The following KCNC1 variants were observed in gnomAD, a reference collection of about 807,000 sequenced individuals.
KCNC1 encodes potassium voltage-gated channel subfamily C member 1.
Under a neutral mutation model 43.4 loss-of-function variants are expected in KCNC1, and 8 were observed. That is an observed-to-expected ratio of 0.18 (90% CI 0.11 to 0.33). KCNC1 has a LOEUF of 0.33. KCNC1 is among the 10% of genes least tolerant of loss of function. The pLI is 1.00. For missense variants in KCNC1, 420 were observed against 836.0 expected, an observed-to-expected ratio of 0.50 and a Z score of 6.14; for synonymous variants, 361 against 360.5, an observed-to-expected ratio of 1.00 and a Z score of -0.01.
chr11:17,763,929 A>G (rs1849113648), intron 1 of KCNC1, among the ~76,000 whole-genome samples: 1 of 132,526 alleles, frequency 7.5e-6, no homozygotes, highest in African/African-American at 2.9e-5. Flanking sequence ...ATGCACATAT[A>G]CACGCCCACA....
Position 17,753,861 on chromosome 11 carries a change from T to C in KCNC1, c.570+17289T>C, listed in dbSNP as rs535899140. Among the ~76,000 whole-genome samples the C allele has an allele frequency of 5.3e-4, 81 of 152,204 alleles. 1 individual carries two copies. The highest frequency in any genetic ancestry group is 8.2e-4 in the Non-Finnish European group (56 of 68,036). On this transcript the variant is annotated intron_variant, in intron 1 of 3. Transcript: ENST00000265969. ...CCAGATTCCAGATTCGCCACTCCAG[T>C]GCCCGCATCCAGGTTTTGAATTCCA...
Position 17,777,853 on chromosome 11 carries a change from A to T in KCNC1, c.1505-1603A>T, listed in dbSNP as rs1204156139. ...TGACTGACTGCCTCTTTGTAGTGAC[A>T]TGATGTGTACACGGGCGGTAATCCC... On this transcript the variant is annotated intron_variant, in intron 2 of 3. Transcript: ENST00000265969. The surrounding 1 kb of genome is among the most constrained non-coding windows in gnomAD (Gnocchi z 4.3). 1.0e-6 allele frequency: 1 copy of T among 986,270 alleles called. No homozygotes were observed. The highest frequency in any genetic ancestry group is 1.2e-6 in the Non-Finnish European group (1 of 830,074). 61.1% of individuals were successfully genotyped at this position (986,270 alleles called of 1,614,324 possible).
rs1849354505 is a variant in KCNC1 at position 17,782,289 on chromosome 11, C to T, written c.*555C>T. On this transcript the variant is annotated 3_prime_UTR_variant, in exon 4 of 4. Coordinates refer to ENST00000265969, the MANE Select transcript of KCNC1 (RefSeq NM_001112741.2). ...CTTCCAAAAAGGGCAGTCGGTCAGTCATCGGTCATATTGACCTCACCTTCA... is the reference window on the plus strand; with the variant it reads ...CTTCCAAAAAGGGCAGTCGGTCAGTTATCGGTCATATTGACCTCACCTTCA... The T allele has an allele frequency of 6.6e-6, 1 of 152,286 alleles. No homozygotes were observed. The highest frequency in any genetic ancestry group is 1.5e-5 in the Non-Finnish European group (1 of 68,118). The allele number at this position is 152,286 out of a possible 1,614,324, so 9.4% of individuals were successfully genotyped here.
In KCNC1 at chr11:17,777,906, G is replaced by C; in HGVS notation, c.1505-1550G>C. On this transcript the variant is annotated intron_variant, in intron 2 of 3. Coordinates refer to ENST00000265969, the MANE Select transcript of KCNC1 (RefSeq NM_001112741.2). The surrounding 1 kb of genome is among the most constrained non-coding windows in gnomAD (Gnocchi z 4.3). ...CCACGTGCACGCCCAGCGTGTGCAC[G>C]TGGGGAAGGATCACTTCTGCGTGTA... The C allele has an allele frequency of 5.4e-6, 5 of 932,698 alleles. No individual in the cohort carries two copies. Among genetic ancestry groups the C allele is most frequent in the Non-Finnish European group, 6.4e-6 (5 of 781,284 alleles). 57.8% of individuals were successfully genotyped at this position (932,698 alleles called of 1,614,324 possible).
In KCNC1 at chr11:17,739,896, G is replaced by T. The variant is rs964732002; in HGVS notation, c.570+3324G>T. Among the ~76,000 whole-genome samples, 1 of 152,142 alleles carries T rather than the reference G, an allele frequency of 6.6e-6. No homozygotes were observed. Among genetic ancestry groups the T allele is most frequent in the African/African-American group, 2.4e-5 (1 of 41,428 alleles). On this transcript the variant is annotated intron_variant, in intron 1 of 3. Transcript: ENST00000265969. This position sits in a 1 kb window ranked among gnomAD's most constrained non-coding sequence, Gnocchi z 4.2. Reference sequence around the variant, plus strand: ...GTGAGAGAGAGGTCCTGTGCATCCCGAGTGTGTGTGTGCTTGAGGAAGATG... The same window carrying T: ...GTGAGAGAGAGGTCCTGTGCATCCCTAGTGTGTGTGTGCTTGAGGAAGATG...
At chr11:17,768,177 C>T (rs979560055) in intron 1 of KCNC1, among the ~76,000 whole-genome samples, 10 of 152,298 alleles carry the variant, frequency 6.6e-5, no homozygotes, top group African/African-American at 2.4e-4. Context: ...TTGCTGTCTC[C>T]TGTGGGCCAG....
In KCNC1 at chr11:17,772,204, G is replaced by C; in HGVS notation, c.1110G>C (p.Gly370=). 1 of 1,614,060 alleles carries C rather than the reference G, an allele frequency of 6.2e-7. No individual in the cohort carries two copies. The highest frequency in any genetic ancestry group is 8.5e-7 in the Non-Finnish European group (1 of 1,180,040). ...ATMIYYAERI[G]AQPNDPSASE... ...TGATCTACTACGCCGAGAGGATAGG[G>C]GCACAGCCCAATGACCCCAGCGCCA... is the stretch of plus-strand genomic sequence containing the variant. Residue 370 remains glycine, a synonymous_variant, in exon 2 of 4, where the codon GGG becomes GGC. Transcript: ENST00000265969.
Position 17,774,118 on chromosome 11 carries a change from G to T in KCNC1, c.1504+1520G>T, listed in dbSNP as rs373768029. On this transcript the variant is annotated intron_variant, in intron 2 of 3. Coordinates refer to ENST00000265969, the MANE Select transcript of KCNC1 (RefSeq NM_001112741.2). Reference sequence around the variant, plus strand: ...GGGGGTTTCCCGGTCCTTTCACCCTGCCGCATACCCTTCCCTTCCTGGGAT... The same window carrying T: ...GGGGGTTTCCCGGTCCTTTCACCCTTCCGCATACCCTTCCCTTCCTGGGAT... 1,235 of 985,546 alleles carry T rather than the reference G, an allele frequency of 1.3e-3. 7 individuals are homozygous for T. The Middle Eastern group carries it at 0.016, about 12-fold the overall frequency. The allele number at this position is 985,546 out of a possible 1,614,324, so 61.1% of individuals were successfully genotyped here. A position where few individuals can be genotyped will look rare whatever the true frequency, so the allele number is the denominator to read the frequency against.
intron 1 of KCNC1, among the ~76,000 whole-genome samples, chr11:17,745,373 A>G (rs1172798231): frequency 6.6e-6 from 1 of 152,126 alleles, no homozygotes; most frequent in Admixed American, 6.5e-5. Context: ...TCTCTCTCAG[A>G]CATCAACCAA....
rs574968276 is a variant in KCNC1 at position 17,776,279 on chromosome 11, C to T, written c.1505-3177C>T. The T allele has an allele frequency of 5.1e-6, 5 of 985,390 alleles. No homozygotes were observed. The highest frequency in any genetic ancestry group is 4.7e-5 in the South Asian group (1 of 21,274). The allele number at this position is 985,390 out of a possible 1,614,324, so 61.0% of individuals were successfully genotyped here. ...CCGGTTCTCGTGATTGTTCCCTGCTCGTGTCTCACAGACTGTCCCCATTTA... is the reference window on the plus strand; with the variant it reads ...CCGGTTCTCGTGATTGTTCCCTGCTTGTGTCTCACAGACTGTCCCCATTTA... On this transcript the variant is annotated intron_variant, in intron 2 of 3. Transcript: ENST00000265969. The surrounding 1 kb of genome is among the most constrained non-coding windows in gnomAD (Gnocchi z 4.4).
At chr11:17,737,764 C>G (rs1385543607) in intron 1 of KCNC1, among the ~76,000 whole-genome samples, 1 of 152,158 alleles carries the variant, frequency 6.6e-6, no homozygotes, top group African/African-American at 2.4e-5. Context: ...GCCCTCACCC[C>G]CTACCAGGCA....
rs1354528765 is a variant in KCNC1 at position 17,777,175 on chromosome 11, C to T, written c.1505-2281C>T. On this transcript the variant is annotated intron_variant, in intron 2 of 3. Transcript: ENST00000265969. This position sits in a 1 kb window ranked among gnomAD's most constrained non-coding sequence, Gnocchi z 4.3. ...GGGGCTTGTGGACAGAACCAGTGGGCGGGGGCCCAGCATTCAGAGCCAGAG... is the reference window on the plus strand; with the variant it reads ...GGGGCTTGTGGACAGAACCAGTGGGTGGGGGCCCAGCATTCAGAGCCAGAG... 11 of 985,370 alleles carry T rather than the reference C, an allele frequency of 1.1e-5. No individual in the cohort carries two copies. The highest frequency in any genetic ancestry group is 1.8e-5 in the African/African-American group (1 of 57,140). 61.0% of individuals were successfully genotyped at this position (985,370 alleles called of 1,614,324 possible).
In KCNC1 at chr11:17,781,311, G is replaced by C; in HGVS notation, c.1694-359G>C. On this transcript the variant is annotated intron_variant, in intron 3 of 3. Coordinates refer to ENST00000265969, the MANE Select transcript of KCNC1 (RefSeq NM_001112741.2). This position sits in a 1 kb window ranked among gnomAD's most constrained non-coding sequence, Gnocchi z 5.1. ...CCGAGGCTTAGGTGCCAGAGTCTTT[G>C]GGAGGCGCTAAGGGTGAAGTGTCCC... 4.4e-6 allele frequency: 1 copy of C among 227,332 alleles called. No individual in the cohort carries two copies. The highest frequency in any genetic ancestry group is 8.6e-6 in the Non-Finnish European group (1 of 116,214). 14.1% of individuals were successfully genotyped at this position (227,332 alleles called of 1,614,324 possible).
intron 1 of KCNC1, among the ~76,000 whole-genome samples, chr11:17,747,967 C>CCTGGCAGGCAGCAG (rs1246048818): frequency 2.6e-5 from 4 of 152,158 alleles, no homozygotes; most frequent in Non-Finnish European, 5.9e-5. Context: ...TGAGCCATTT[C>CCTGGCAGGCAGCAG]CCTGCCAGGG....
intron 2 of KCNC1, among the ~76,000 whole-genome samples, chr11:17,778,789 G>A (rs1003921): frequency 0.78 from 116,801 of 150,668 alleles, 45,671 homozygotes; most frequent in African/African-American, 0.87. Context: ...GCCTGTATGG[G>A]GAACAGGGCA....
chr11:17,751,226 G>C (rs1465648516), intron 1 of KCNC1, among the ~76,000 whole-genome samples: 1 of 152,234 alleles, frequency 6.6e-6, no homozygotes, highest in Non-Finnish European at 1.5e-5. Flanking sequence ...GCTCTGGGAT[G>C]CTGTGGTTCT....
intron 1 of KCNC1, among the ~76,000 whole-genome samples, chr11:17,753,642 G>T (rs1234688354): frequency 6.7e-6 from 1 of 149,124 alleles, no homozygotes; most frequent in African/African-American, 2.4e-5. Context: ...TCTTCAAAAA[G>T]AAATTGACAT....
At chr11:17,759,508 C>T (rs970051975) in intron 1 of KCNC1, among the ~76,000 whole-genome samples, 7 of 152,194 alleles carry the variant, frequency 4.6e-5, no homozygotes, top group East Asian at 3.8e-4. Context: ...TCTCAGCTTT[C>T]GACATGCCTT....
chr11:17,769,469 TG>T (rs1440761686), intron 1 of KCNC1, among the ~76,000 whole-genome samples: 1 of 151,464 alleles, frequency 6.6e-6, no homozygotes, highest in Non-Finnish European at 1.5e-5. Context: ...GATGGGTGTA[TG>T]AATGAATTAA....
Sources: gnomAD v4.1 joint callset for allele counts (sites outside exome capture counted in the v4.1 genomes callset) on GRCh38, gnomAD v4.1.1 for gene constraint, Gnocchi (gnomAD v3.1) non-coding constraint, MANE v1.5 for transcripts, NCBI Gene and HGNC (gene_info 2026-07-23, HGNC 2026-07-21) for gene names.